Variants in INPP4B observed in about 807,000 individuals in gnomAD.
INPP4B encodes inositol polyphosphate 4-phosphatase type II.
Under a neutral mutation model 122.5 loss-of-function variants are expected in INPP4B, and 55 were observed. The ratio of observed to expected loss-of-function variants is 0.45; its 90% CI spans 0.36 to 0.56. The LOEUF (loss-of-function observed/expected upper bound fraction) is 0.56. Among genes scored for constraint, INPP4B ranks in the 20% least tolerant of loss-of-function variants. The pLI is 0.00. For missense variants in INPP4B, 1,000 were observed against 1,097.7 expected, an observed-to-expected ratio of 0.91 and a Z score of 1.26; for synonymous variants, 403 against 388.7, an observed-to-expected ratio of 1.04 and a Z score of -0.43.
intron 1 of INPP4B, among the ~76,000 whole-genome samples, chr4:142,815,144 G>C (rs749486935): frequency 2.0e-5 from 3 of 152,052 alleles, no homozygotes; most frequent in Non-Finnish European, 4.4e-5. Flanking sequence ...TACTCTAGAG[G>C]GGTGTCCTAC....
At chr4:142,152,634 C>A (rs1814849749) in intron 17 of INPP4B, among the ~76,000 whole-genome samples, 1 of 151,992 alleles carries the variant, frequency 6.6e-6, no homozygotes, top group Non-Finnish European at 1.5e-5. Flanking sequence ...TCTTCTGTTG[C>A]CCAGACCAGA....
At position 142,270,760 on chromosome 4, in the gene INPP4B, C is replaced by G. The variant is rs754178340; in HGVS notation, c.518G>C (p.Gly173Ala). 3.7e-5 allele frequency: 60 copies of G among 1,612,494 alleles called. 1 individual carries two copies. In the South Asian group the frequency reaches 5.4e-4, roughly 14 times the overall value. Residue 173 changes from glycine (G) to alanine (A), a missense_variant, in exon 10 of 26, where the codon GGC becomes GCC. Physicochemically the swap from Gly to Ala is moderately conservative, Grantham distance 60 (BLOSUM62 0). Transcript: ENST00000262992. ...LVLSLRTSDG[G>A]KVVGTIEVSV... ...GACTTCTATGGTGCCAACCACTTTG[C>G]CACCATCTGAAGTTCTGCAACAAAA...
chr4:142,773,452 A>G (rs1306523031), intron 1 of INPP4B, among the ~76,000 whole-genome samples: 2 of 152,168 alleles, frequency 1.3e-5, no homozygotes, highest in Non-Finnish European at 2.9e-5. Flanking sequence ...TAAAATTCAC[A>G]TGAGCTACAC....
chr4:142,570,891 C>T (rs1255775104), intron 2 of INPP4B, among the ~76,000 whole-genome samples: 1 of 151,670 alleles, frequency 6.6e-6, no homozygotes, highest in Non-Finnish European at 1.5e-5. Flanking sequence ...AATATTTTAC[C>T]CTATAAAAAC....
chr4:142,456,453 C>T (rs1323311100), intron 3 of INPP4B, among the ~76,000 whole-genome samples: 2 of 151,832 alleles, frequency 1.3e-5, no homozygotes, highest in Admixed American at 1.3e-4. Context: ...TGGCTTTGTT[C>T]TTGGGCTCTC....
chr4:142,387,131 TC>T (rs1303890019), intron 7 of INPP4B, among the ~76,000 whole-genome samples: 33 of 152,144 alleles, frequency 2.2e-4, no homozygotes, highest in African/African-American at 8.0e-4. Context: ...GTTAGAGGCC[TC>T]TTACATCCCA....
intron 7 of INPP4B, among the ~76,000 whole-genome samples, chr4:142,379,640 G>A (rs1447995321): frequency 2.0e-5 from 3 of 152,288 alleles, no homozygotes; most frequent in South Asian, 4.1e-4. Flanking sequence ...AAACCTTACA[G>A]TAATTAAAAG....
intron 12 of INPP4B, among the ~76,000 whole-genome samples, chr4:142,220,892 A>G (rs1299546145): frequency 6.6e-6 from 1 of 152,042 alleles, no homozygotes; most frequent in Non-Finnish European, 1.5e-5. Flanking sequence ...ATTTCCTCCT[A>G]TATGAACATC....
chr4:142,302,635 G>T (rs191848749), intron 9 of INPP4B, among the ~76,000 whole-genome samples: 2 of 152,000 alleles, frequency 1.3e-5, no homozygotes, highest in Admixed American at 1.3e-4. Flanking sequence ...CAAAGCACAT[G>T]GTTGGTTATT....
intron 25 of INPP4B, among the ~76,000 whole-genome samples, chr4:142,058,503 C>T (rs573648070): frequency 2.0e-4 from 31 of 152,068 alleles, no homozygotes; most frequent in African/African-American, 7.2e-4. Context: ...GTTGTCTATT[C>T]CAAAAGCACA....
chr4:142,719,683 A>G (rs1279333751), intron 2 of INPP4B, among the ~76,000 whole-genome samples: 1 of 152,132 alleles, frequency 6.6e-6, no homozygotes, highest in Non-Finnish European at 1.5e-5. Context: ...CTTAAAAACT[A>G]AAAAATTATA....
At chr4:142,229,474 G>T (rs1853177872) in intron 12 of INPP4B, among the ~76,000 whole-genome samples, 1 of 152,164 alleles carries the variant, frequency 6.6e-6, no homozygotes, top group African/African-American at 2.4e-5. Flanking sequence ...GAAGGTGGTA[G>T]GTAGATGAAT....
chr4:142,377,699 T>C (rs1405205597), intron 7 of INPP4B, among the ~76,000 whole-genome samples: 3 of 152,054 alleles, frequency 2.0e-5, no homozygotes, highest in Non-Finnish European at 4.4e-5. Flanking sequence ...TTTCAGTTTC[T>C]CTCTTTTCAA....
At chr4:142,635,578 C>T (rs192291497) in intron 2 of INPP4B, among the ~76,000 whole-genome samples, 4 of 152,236 alleles carry the variant, frequency 2.6e-5, no homozygotes, top group Admixed American at 2.0e-4. Context: ...GAGCTAGAGG[C>T]TATTATTTTT....
chr4:142,224,245 C>A (rs2149744280), intron 12 of INPP4B, among the ~76,000 whole-genome samples: 1 of 152,190 alleles, frequency 6.6e-6, no homozygotes, highest in East Asian at 1.9e-4. Context: ...TCAAATCATG[C>A]TAAATGGAGA....
intron 1 of INPP4B, among the ~76,000 whole-genome samples, chr4:142,824,645 T>C (rs945335017): frequency 6.6e-6 from 1 of 152,170 alleles, no homozygotes; most frequent in African/African-American, 2.4e-5. Flanking sequence ...TCTTTAGTTA[T>C]GAGCTGTCAT....
At chr4:142,778,939 G>C (rs1774356107) in intron 1 of INPP4B, among the ~76,000 whole-genome samples, 1 of 151,922 alleles carries the variant, frequency 6.6e-6, no homozygotes, top group East Asian at 1.9e-4. Flanking sequence ...AGACAATTGA[G>C]GGTCTAAATT....
At chr4:142,034,113 C>G (rs1392666790) in intron 25 of INPP4B, among the ~76,000 whole-genome samples, 3 of 152,098 alleles carry the variant, frequency 2.0e-5, no homozygotes, top group Non-Finnish European at 4.4e-5. Context: ...CTGAGAGACC[C>G]TGCTTTAGCA....
chr4:142,110,674 C>T lies in INPP4B; in HGVS notation c.2276+1868G>A, dbSNP rs183620676. On this transcript the variant is annotated intron_variant, in intron 22 of 25. Coordinates refer to ENST00000262992, the MANE Select transcript of INPP4B (RefSeq NM_001101669.3). ...AGGGTTTCCCTACTTTGCCATTTTG[C>T]TCCTTTTCCAGTCTTGTGTGTCTTG... Among the ~76,000 whole-genome samples, 8 of 152,196 alleles carry T rather than the reference C, an allele frequency of 5.3e-5. No individual in the cohort carries two copies. The East Asian group carries it at 1.5e-3, about 29-fold the overall frequency.
Sources: allele counts gnomAD v4.1 joint callset (sites outside exome capture counted in the v4.1 genomes callset), GRCh38; gene constraint gnomAD v4.1.1; transcripts MANE v1.5; gene names NCBI Gene and HGNC (gene_info 2026-07-23, HGNC 2026-07-21).